SDR42E2: variants seen among roughly 807,000 people sequenced by gnomAD.
The protein encoded by SDR42E2 is short chain dehydrogenase/reductase family 42E, member 2, also known as putative short-chain dehydrogenase/reductase family 42E member 2.
Under a neutral mutation model 10.5 loss-of-function variants are expected in SDR42E2, and 20 were observed. That is an observed-to-expected ratio of 1.90 (90% CI 1.34 to 2.77). SDR42E2 has a LOEUF of 2.77. Among genes scored for constraint, SDR42E2 ranks in the 30% most tolerant of loss-of-function variants. SDR42E2 has a pLI of 0.00. For synonymous variants in SDR42E2, 72 were observed against 39.2 expected (o/e 1.84, Z -3.12); for missense variants, 162 against 104.2 (o/e 1.55, Z -2.42).
intron 7 of SDR42E2, among the ~76,000 whole-genome samples, chr16:22,177,161 G>C (rs1490200495): frequency 6.6e-6 from 1 of 152,190 alleles, no homozygotes; most frequent in East Asian, 1.9e-4. Flanking sequence ...TCTCTGAGCT[G>C]TGGTTCTTTT....
In SDR42E2 at chr16:22,163,745, C is replaced by G. The variant is rs542417143; in HGVS notation, c.-37+1181C>G. On this transcript the variant is annotated intron_variant, in intron 1 of 12. Transcript: ENST00000602312. ...AAAGCCATGAGTGTTCGTGCTTATA[C>G]GGGGCAGGACTGTATTCCTCACCCA... 6.6e-5 allele frequency among the ~76,000 whole-genome samples: 10 copies of G among 152,042 alleles called. No homozygotes were observed. The East Asian group carries it at 1.2e-3, about 18-fold the overall frequency.
At chr16:22,186,135 G>T (rs2046734753) in intron 11 of SDR42E2, among the ~76,000 whole-genome samples, 1 of 152,238 alleles carries the variant, frequency 6.6e-6, no homozygotes, top group African/African-American at 2.4e-5. Flanking sequence ...GAGCATTGGA[G>T]TAGAAGTGAG....
chr16:22,176,673 T>C (rs529223953), intron 7 of SDR42E2, among the ~76,000 whole-genome samples: 1 of 152,348 alleles, frequency 6.6e-6, no homozygotes, highest in East Asian at 1.9e-4. Context: ...TCCTCCTGCC[T>C]TGGCCTCCCA....
chr16:22,185,327 G>A (rs1231455216), intron 11 of SDR42E2, among the ~76,000 whole-genome samples: 4 of 152,160 alleles, frequency 2.6e-5, no homozygotes, highest in Non-Finnish European at 4.4e-5. Flanking sequence ...AAAGCAGGGG[G>A]TTGCAAATTT....
At chr16:22,174,574 C>T (rs1001929629) in intron 7 of SDR42E2, among the ~76,000 whole-genome samples, 3 of 151,750 alleles carry the variant, frequency 2.0e-5, no homozygotes, top group Non-Finnish European at 4.4e-5. Context: ...TCCCCATCAC[C>T]CTGGGCCAGT....
At chr16:22,176,386 T>C in intron 7 of SDR42E2, among the ~76,000 whole-genome samples, 1 of 152,212 alleles carries the variant, frequency 6.6e-6, no homozygotes, top group East Asian at 1.9e-4. Context: ...ATATGCTCAT[T>C]ACCCTGATTT....
intron 3 of SDR42E2, among the ~76,000 whole-genome samples, 191 bp from the exon 4 acceptor site, chr16:22,166,713 C>T (rs1386724380): frequency 6.6e-6 from 1 of 152,118 alleles, no homozygotes; most frequent in Non-Finnish European, 1.5e-5. Context: ...GATGAATGAG[C>T]ACGGGATGTT....
intron 7 of SDR42E2, among the ~76,000 whole-genome samples, chr16:22,173,879 T>C (rs1016285892): frequency 2.0e-4 from 26 of 127,242 alleles, no homozygotes; most frequent in African/African-American, 7.8e-4. Context: ...TATATGTATA[T>C]GGGCTACGTA....
intron 6 of SDR42E2, among the ~76,000 whole-genome samples, chr16:22,171,644 T>C (rs2046602246): frequency 6.6e-6 from 1 of 152,158 alleles, no homozygotes; most frequent in African/African-American, 2.4e-5. Flanking sequence ...GTGATTCTCC[T>C]GCCTCAGCCT....
chr16:22,185,038 A>G (rs2046726648), intron 11 of SDR42E2, among the ~76,000 whole-genome samples: 2 of 152,066 alleles, frequency 1.3e-5, no homozygotes, highest in South Asian at 2.1e-4. Flanking sequence ...CTACTTTAGG[A>G]CAAACGGAGG....
chr16:22,185,123 G>C (rs892468730), intron 11 of SDR42E2, among the ~76,000 whole-genome samples: 14 of 152,108 alleles, frequency 9.2e-5, no homozygotes, highest in Non-Finnish European at 1.8e-4. Context: ...CCGACAATGC[G>C]TCTTGGCTGC....
chr16:22,189,441 T>C (rs1256927981), intron 12 of SDR42E2, among the ~76,000 whole-genome samples: 1 of 152,166 alleles, frequency 6.6e-6, no homozygotes, highest in Non-Finnish European at 1.5e-5. Flanking sequence ...ATAGTGCTAG[T>C]ACCACCTGAG....
chr16:22,175,901 G>T (rs1298978231), intron 7 of SDR42E2, among the ~76,000 whole-genome samples: 1 of 151,854 alleles, frequency 6.6e-6, no homozygotes, highest in Non-Finnish European at 1.5e-5. Flanking sequence ...GCTGAGGCAG[G>T]CGAATCACTT....
At chr16:22,183,109 C>G (rs1191112065) in intron 10 of SDR42E2, among the ~76,000 whole-genome samples, 1 of 152,132 alleles carries the variant, frequency 6.6e-6, no homozygotes, top group East Asian at 1.9e-4. Flanking sequence ...CCCTTCCACC[C>G]TGCTTCCAGG....
At chr16:22,162,649 C>G (rs1044260126) in intron 1 of SDR42E2, among the ~76,000 whole-genome samples, 85 bp downstream of exon 1, 2 of 152,128 alleles carry the variant, frequency 1.3e-5, no homozygotes, top group East Asian at 1.9e-4. Context: ...GGGAGGGGAC[C>G]CCCACCCTGG....
chr16:22,191,555 A>G lies in SDR42E2; in HGVS notation c.*1162A>G, dbSNP rs2046775059. On this transcript the variant is annotated 3_prime_UTR_variant, in exon 13 of 13. Transcript: ENST00000602312. ...CTCATTCACACAGATCTGTGTGTTG[A>G]CAGCCAGGGTTTGGGGAAAAACCGA... 1 of 152,106 alleles carries G rather than the reference A, an allele frequency of 6.6e-6. No individual in the cohort carries two copies. The highest frequency in any genetic ancestry group is 1.5e-5 in the Non-Finnish European group (1 of 68,038). The allele number at this position is 152,106 out of a possible 1,614,324, so 9.4% of individuals were successfully genotyped here. A position where few individuals can be genotyped will look rare whatever the true frequency, so the allele number is the denominator to read the frequency against.
intron 12 of SDR42E2, 111 bp from the exon 13 acceptor site, chr16:22,190,028 T>G (rs766214438): frequency 2.5e-6 from 1 of 399,852 alleles, no homozygotes; most frequent in East Asian, 3.6e-5. Context: ...TAAATCACTA[T>G]GTAATGGAGG....
At chr16:22,168,454 T>C (rs7186579) in intron 4 of SDR42E2, among the ~76,000 whole-genome samples, 78,682 of 150,674 alleles carry the variant, frequency 0.52, 24,998 homozygotes, top group African/African-American at 0.88. Context: ...TTAGTAGAGA[T>C]GGGGTTTTGC....
chr16:22,170,925 T>A lies in SDR42E2; in HGVS notation c.487T>A (p.Ser163Thr), dbSNP rs989146957. Residue 163 changes from serine to threonine, a missense_variant, in exon 6 of 13, where the codon TCT becomes ACT. By Grantham distance (58) the Ser-to-Thr change is moderately conservative (BLOSUM62 1). Coordinates refer to ENST00000602312, the MANE Select transcript of SDR42E2 (RefSeq NM_001394319.2). ...GCCCATAGAGCAGGGCGATGAGGAC[T>A]CTGTGCCATATTTCCCATTGGACGA... is the stretch of plus-strand genomic sequence containing the variant. ...GKPIEQGDED[S>T]VPYFPLDEHV... The A allele has an allele frequency of 1.0e-5, 7 of 702,922 alleles. No individual in the cohort carries two copies. The African/African-American group carries it at 1.2e-4, about 12-fold the overall frequency. 43.5% of individuals were successfully genotyped at this position (702,922 alleles called of 1,614,324 possible).
Sources: gnomAD v4.1 joint callset for allele counts (sites outside exome capture counted in the v4.1 genomes callset) on GRCh38, gnomAD v4.1.1 for gene constraint, MANE v1.5 for transcripts, NCBI Gene and HGNC (gene_info 2026-07-23, HGNC 2026-07-21) for gene names.